Variants in IGF2BP3 observed in about 807,000 individuals in gnomAD.
IGF2BP3 encodes insulin like growth factor 2 mRNA binding protein 3.
In IGF2BP3, 9 loss-of-function variants were observed where a neutral mutation model predicts 73.8. The ratio of observed to expected loss-of-function variants is 0.12; its 90% CI spans 0.07 to 0.21. The LOEUF is 0.21. Ranked by LOEUF, IGF2BP3 falls within the 10% of genes least tolerant of loss-of-function variation. IGF2BP3 has a pLI of 1.00. For synonymous variants in IGF2BP3, 258 were observed against 256.7 expected (o/e 1.01, Z -0.05); for missense variants, 542 against 714.0 (o/e 0.76, Z 2.75).
intron 3 of IGF2BP3, among the ~76,000 whole-genome samples, chr7:23,373,587 C>G (rs968162097): frequency 6.6e-6 from 1 of 151,966 alleles, no homozygotes; most frequent in Non-Finnish European, 1.5e-5. Context: ...AAATCAAAAC[C>G]CTCATACATT....
In IGF2BP3 at chr7:23,411,980, T is replaced by TTC. The variant is rs1307846640; in HGVS notation, c.285+6794_285+6795dup. 2.0e-5 allele frequency among the ~76,000 whole-genome samples: 3 copies of TTC among 149,988 alleles called. No homozygotes were observed. The East Asian group carries it at 5.8e-4, about 29-fold the overall frequency. Reference sequence around the variant, plus strand: ...ATTTCTTCACTACTTTCCCACTTATTTCTCTTTTTTTTTTTTTTTTTTTTT... The same window carrying TTC: ...ATTTCTTCACTACTTTCCCACTTATTTCTCTCTTTTTTTTTTTTTTTTTTTTT... On this transcript the variant is annotated intron_variant, in intron 3 of 14. Transcript: ENST00000258729.
intron 3 of IGF2BP3, among the ~76,000 whole-genome samples, 173 bp downstream of exon 3, chr7:23,418,601 TAA>T (rs1013859926): frequency 5.3e-5 from 8 of 152,186 alleles, no homozygotes; most frequent in Non-Finnish European, 1.2e-4. Context: ...AGCAGATTTT[TAA>T]AAGATACACT....
intron 3 of IGF2BP3, among the ~76,000 whole-genome samples, chr7:23,380,155 CTCTT>C (rs1384297413): frequency 1.6e-4 from 22 of 133,642 alleles, no homozygotes; most frequent in South Asian, 4.8e-4. Flanking sequence ...CCCACTATGC[CTCTT>C]TTTTTTTTTT....
chr7:23,402,270 T>C (rs1469586495), intron 3 of IGF2BP3: 4 of 152,316 alleles, frequency 2.6e-5, no homozygotes, highest in Non-Finnish European at 4.4e-5. Flanking sequence ...AAAAGTAACA[T>C]ATACTTTGCA....
chr7:23,342,349 T>C (rs1784734393), intron 9 of IGF2BP3, among the ~76,000 whole-genome samples, 160 bp from the exon 10 acceptor site: 1 of 152,240 alleles, frequency 6.6e-6, no homozygotes, highest in African/African-American at 2.4e-5. Flanking sequence ...GTACATCGTT[T>C]ACATCTGTTT....
At chr7:23,341,496 T>G (rs1209181231) in intron 10 of IGF2BP3, among the ~76,000 whole-genome samples, 1 of 152,156 alleles carries the variant, frequency 6.6e-6, no homozygotes, top group Non-Finnish European at 1.5e-5. Context: ...CGAAACCCTG[T>G]CTCTACTAAA....
intron 10 of IGF2BP3, among the ~76,000 whole-genome samples, chr7:23,326,834 G>C (rs545045304): frequency 7.1e-6 from 1 of 141,056 alleles, no homozygotes; most frequent in Non-Finnish European, 1.5e-5. Flanking sequence ...ACCAAACACC[G>C]CATATTCTCA....
At chr7:23,412,723 C>T (rs79429530) in intron 3 of IGF2BP3, among the ~76,000 whole-genome samples, 2,370 of 152,096 alleles carry the variant, frequency 0.016, 40 homozygotes, top group Middle Eastern at 0.037. Flanking sequence ...AGGGAAGGTA[C>T]CCCCAGCTTT....
At chr7:23,372,680 A>G (rs1010863816) in intron 3 of IGF2BP3, among the ~76,000 whole-genome samples, 1 of 152,148 alleles carries the variant, frequency 6.6e-6, no homozygotes, top group African/African-American at 2.4e-5. Context: ...ACTCTAAGAG[A>G]TCCCTAACAA....
intron 3 of IGF2BP3, among the ~76,000 whole-genome samples, chr7:23,412,154 T>C (rs1787044872): frequency 6.6e-6 from 1 of 152,092 alleles, no homozygotes; most frequent in Non-Finnish European, 1.5e-5. Context: ...GGCTAATTTT[T>C]GTATTTATAG....
chr7:23,468,396 C>A, intron 2 of IGF2BP3, 86 bp downstream of exon 2: 1 of 1,373,428 alleles, frequency 7.3e-7, no homozygotes. Flanking sequence ...GGGGTAAGCA[C>A]CAGAGGACAA....
chr7:23,410,607 C>A (rs986041894), intron 3 of IGF2BP3, among the ~76,000 whole-genome samples: 4 of 152,196 alleles, frequency 2.6e-5, no homozygotes, highest in African/African-American at 7.2e-5. Context: ...CATCCCAGAG[C>A]AGCCATGCAT....
At chr7:23,326,384 C>G (rs376728387) in intron 10 of IGF2BP3, among the ~76,000 whole-genome samples, 6 of 152,022 alleles carry the variant, frequency 3.9e-5, no homozygotes, top group Non-Finnish European at 7.4e-5. Flanking sequence ...CTCACACCAG[C>G]TAGAATGGCA....
chr7:23,431,166 G>A (rs1462655247), intron 2 of IGF2BP3: 2 of 152,186 alleles, frequency 1.3e-5, no homozygotes, highest in African/African-American at 4.8e-5. Context: ...TTACGATACT[G>A]ACCGTGATGA....
intron 3 of IGF2BP3, among the ~76,000 whole-genome samples, chr7:23,374,786 C>G (rs1375207441): frequency 6.6e-6 from 1 of 152,058 alleles, no homozygotes; most frequent in African/African-American, 2.4e-5. Flanking sequence ...TTTCTATATT[C>G]CCTAAGTGTC....
At chr7:23,428,519 GAAA>G (rs144236446) in intron 2 of IGF2BP3, among the ~76,000 whole-genome samples, 1 of 145,576 alleles carries the variant, frequency 6.9e-6, no homozygotes, top group South Asian at 2.1e-4. Flanking sequence ...CTGTATAAAA[GAAA>G]AAAAAAATAT....
intron 3 of IGF2BP3, among the ~76,000 whole-genome samples, chr7:23,391,703 T>C (rs907829469): frequency 3.9e-5 from 6 of 152,184 alleles, no homozygotes; most frequent in African/African-American, 7.2e-5. Flanking sequence ...ATCCAAAAGA[T>C]TGCAAATGAA....
rs78002474 is a variant in IGF2BP3, at chr7:23,363,268, G to A, written c.286-1527C>T. 9.0e-3 allele frequency among the ~76,000 whole-genome samples: 1,366 copies of A among 151,674 alleles called. 21 individuals are homozygous for A. The highest frequency in any genetic ancestry group is 0.031 in the African/African-American group (1,284 of 41,370). On this transcript the variant is annotated intron_variant, in intron 3 of 14. Coordinates refer to ENST00000258729, the MANE Select transcript of IGF2BP3 (RefSeq NM_006547.3). ...GGGTGAGCTTCTGTTTTTAGTTTTG[G>A]GACAGGGTCTCACTGTCACCTATGC...
Position 23,310,341 on chromosome 7 carries a change from G to A in IGF2BP3, c.*2021C>T, listed in dbSNP as rs915206125. ...AACTCAATTATAGAATTATTTCTTAGCTAGTACCAGATACTCCAAATTACA... is the reference window on the plus strand; with the variant it reads ...AACTCAATTATAGAATTATTTCTTAACTAGTACCAGATACTCCAAATTACA... On this transcript the variant is annotated 3_prime_UTR_variant, in exon 15 of 15. Coordinates refer to ENST00000258729, the MANE Select transcript of IGF2BP3 (RefSeq NM_006547.3). 1.3e-5 allele frequency: 2 copies of A among 152,176 alleles called. No individual in the cohort carries two copies. The highest frequency in any genetic ancestry group is 4.8e-5 in the African/African-American group (2 of 41,432). 9.4% of individuals were successfully genotyped at this position (152,176 alleles called of 1,614,324 possible). A position where few individuals can be genotyped will look rare whatever the true frequency, so the allele number is the denominator to read the frequency against.
Sources: gnomAD v4.1 joint callset for allele counts (sites outside exome capture counted in the v4.1 genomes callset) on GRCh38, gnomAD v4.1.1 for gene constraint, MANE v1.5 for transcripts, NCBI Gene and HGNC (gene_info 2026-07-23, HGNC 2026-07-21) for gene names.